The following AHNAK2 variants were observed in gnomAD, a reference collection of about 807,000 sequenced individuals.
The protein encoded by AHNAK2 is AHNAK nucleoprotein 2, also known as protein AHNAK2.
Under a neutral mutation model 30.7 loss-of-function variants are expected in AHNAK2, and 18 were observed. The observed-to-expected ratio is 0.59, with a 90% CI of 0.41 to 0.87. AHNAK2 has a LOEUF of 0.87. Ranked by LOEUF, AHNAK2 falls within the 40% of genes least tolerant of loss-of-function variation. The pLI, the probability that AHNAK2 is intolerant of heterozygous loss-of-function variation, is 0.00. For synonymous variants in AHNAK2, 3,590 were observed against 3,073.8 expected, an observed-to-expected ratio of 1.17 and a Z score of -5.56; for missense variants, 8,604 against 7,373.0, an observed-to-expected ratio of 1.17 and a Z score of -6.11.
At position 104,944,422 on chromosome 14, in the gene AHNAK2, T is replaced by C. The variant is rs755175788; in HGVS notation, c.11029A>G (p.Met3677Val). Residue 3677 changes from methionine (M) to valine (V), a missense_variant, in exon 7 of 7, where the codon ATG becomes GTG. Met to Val is a conservative substitution (Grantham distance 21). Coordinates refer to ENST00000333244, the MANE Select transcript of AHNAK2 (RefSeq NM_138420.4). Reference protein sequence around the residue: ...KVEADVSLPSMQGDLKTTDLS... With the variant: ...KVEADVSLPSVQGDLKTTDLS... Reference sequence around the variant, plus strand: ...TCAGTGGTCTTCAGGTCCCCCTGCATGGAGGGGAGACTCACATCGGCTTCC... The same window carrying C: ...TCAGTGGTCTTCAGGTCCCCCTGCACGGAGGGGAGACTCACATCGGCTTCC... 19 of 1,612,804 alleles carry C rather than the reference T, an allele frequency of 1.2e-5. No individual in the cohort carries two copies. Among genetic ancestry groups the C allele is most frequent in the Non-Finnish European group, 1.6e-5 (19 of 1,179,498 alleles).
chr14:104,953,760 C>T lies in AHNAK2; in HGVS notation c.1691G>A (p.Arg564Lys). The change falls in exon 7 of 7, where the codon AGG (arginine) becomes AAG (lysine). Residue 564 changes from arginine to lysine, a missense_variant. Transcript: ENST00000333244. ...GDGEEGLQRT[R>K]ITEEQDKGRE... ...GCCCTTGTCCTGTTCCTCAGTGATC[C>T]TTGTCCTCTGTAGTCCTTCCTCTCC... 6.2e-7 allele frequency: 1 copy of T among 1,613,932 alleles called. No individual in the cohort carries two copies. The highest frequency in any genetic ancestry group is 8.5e-7 in the Non-Finnish European group (1 of 1,179,878).
In AHNAK2 at chr14:104,947,386, C is replaced by T. The variant is rs200539761; in HGVS notation, c.8065G>A (p.Gly2689Arg). ...CTGATGTCAGTGGTCTTAAGGTCCCCTTGCATGGAGGGGAGGCTCATGTCG... is the reference window on the plus strand; with the variant it reads ...CTGATGTCAGTGGTCTTAAGGTCCCTTTGCATGGAGGGGAGGCTCATGTCG... Reference protein sequence around the residue: ...EADMSLPSMQGDLKTTDISIQ... With the variant: ...EADMSLPSMQRDLKTTDISIQ... The change falls in exon 7 of 7, where the codon GGG becomes AGG. Residue 2689 changes from glycine to arginine, a missense_variant. By Grantham distance (125) the Gly-to-Arg change is moderately radical. Coordinates refer to ENST00000333244, the MANE Select transcript of AHNAK2 (RefSeq NM_138420.4). 2.9e-5 allele frequency: 47 copies of T among 1,612,718 alleles called. No homozygotes were observed. The highest frequency in any genetic ancestry group is 3.6e-5 in the Non-Finnish European group (43 of 1,179,656).
rs1898185801 is a variant in AHNAK2, at chr14:104,945,063, T to G, written c.10388A>C (p.Glu3463Ala). The change falls in exon 7 of 7, where the codon GAA (glutamate) becomes GCA (alanine). Residue 3463 changes from glutamate (E) to alanine (A), a missense_variant. Transcript: ENST00000333244. ...ARLEGDLSLA[E>A]KDVTAKDSKF... ...GCTGTCTTTGGCAGTCACATCCTTT[T>G]CAGCCAGGGACAGGTCCCCCTCCAG... 1 of 1,612,968 alleles carries G rather than the reference T, an allele frequency of 6.2e-7. No homozygotes were observed. Among genetic ancestry groups the G allele is most frequent in the Admixed American group, 1.7e-5 (1 of 59,956 alleles).
chr14:104,946,049 C>A lies in AHNAK2; in HGVS notation c.9402G>T (p.Lys3134Asn). 1 of 1,605,418 alleles carries A rather than the reference C, an allele frequency of 6.2e-7. No individual in the cohort carries two copies. Among genetic ancestry groups the A allele is most frequent in the Non-Finnish European group, 8.5e-7 (1 of 1,176,084 alleles). The change falls in exon 7 of 7, where the codon AAG becomes AAT. Residue 3134 changes from lysine (K) to asparagine (N), a missense_variant. By Grantham distance (94) the Lys-to-Asn change is moderately conservative. Coordinates refer to ENST00000333244, the MANE Select transcript of AHNAK2 (RefSeq NM_138420.4). ...ACTTGCTGTCTTTGGCAGTCACATCCTTGTCGGCCAGGGACAGGTCCCCCT... is the reference window on the plus strand; with the variant it reads ...ACTTGCTGTCTTTGGCAGTCACATCATTGTCGGCCAGGGACAGGTCCCCCT... The part of the protein sequence containing the change: ...RLEGDLSLAD[K>N]DVTAKDSKFK...
Position 104,952,858 on chromosome 14 carries a change from C to T in AHNAK2, c.2593G>A (p.Ala865Thr), listed in dbSNP as rs761069447. The change falls in exon 7 of 7, where the codon GCC becomes ACC. Residue 865 changes from alanine to threonine, a missense_variant. Physicochemically the swap from Ala to Thr is moderately conservative, Grantham distance 58. Transcript: ENST00000333244. ...TGCATGGAGGAGAGGCTCACGTCGG[C>T]CTCCACCTTCGGCGCAGACACATCC... ...SVDVSAPKVE[A>T]DVSLSSMQGD... is the part of the protein sequence containing the mutation. 1 of 1,612,668 alleles carries T rather than the reference C, an allele frequency of 6.2e-7. No homozygotes were observed. The highest frequency in any genetic ancestry group is 8.5e-7 in the Non-Finnish European group (1 of 1,179,604).
In AHNAK2 at chr14:104,948,429, G is replaced by A. The variant is rs141081625; in HGVS notation, c.7022C>T (p.Ala2341Val). 5.7e-4 allele frequency: 923 copies of A among 1,605,836 alleles called. 37 individuals carry two copies. The African/African-American group carries it at 9.7e-3, about 17-fold the overall frequency. ...CTCCACCTTCAACGCAGACACATCC[G>A]CTGAGGCCTCGATGGACTTGCCAAG... ...SALGKSIEAS[A>V]DVSALKVEAD... Residue 2341 changes from alanine (A) to valine (V), a missense_variant, in exon 7 of 7, where the codon GCG becomes GTG. Transcript: ENST00000333244.
At position 104,947,000 on chromosome 14, in the gene AHNAK2, C is replaced by T. The variant is rs375761301; in HGVS notation, c.8451G>A (p.Lys2817=). ...TAKDSKFKMP[K]FKMPSFGVSA... ...ACACCCCGAATGACGGCATCTTGAA[C>T]TTGGGCATTTTGAACTTGCTGTCTT... Residue 2817 remains lysine (K), a synonymous_variant, in exon 7 of 7, where the codon AAG becomes AAA. Transcript: ENST00000333244. The T allele has an allele frequency of 4.4e-5, 71 of 1,612,348 alleles. No homozygotes were observed. The highest frequency in any genetic ancestry group is 5.4e-5 in the African/African-American group (4 of 74,296).
intron 3 of AHNAK2, 56 bp from the exon 4 acceptor site, chr14:104,956,745 G>T: frequency 1.3e-6 from 2 of 1,541,908 alleles, no homozygotes; most frequent in Non-Finnish European, 1.8e-6. Context: ...GACAGGGAGG[G>T]GCACAGGTAG....
At position 104,950,128 on chromosome 14, in the gene AHNAK2, C is replaced by A; in HGVS notation, c.5323G>T (p.Ala1775Ser). The change falls in exon 7 of 7, where the codon GCG (alanine) becomes TCG (serine). Residue 1775 changes from alanine (A) to serine (S), a missense_variant. Ala to Ser is a moderately conservative substitution (Grantham distance 99). Transcript: ENST00000333244. ...GPKLDLKGPK[A>S]EVMAPDVEVS... ...TCCACGTCGGGGGCCATCACCTCCG[C>A]CTTGGGGCCTTTCAGGTCCAGCTTG... The A allele has an allele frequency of 6.3e-7, 1 of 1,586,954 alleles. No homozygotes were observed. The highest frequency in any genetic ancestry group is 8.6e-7 in the Non-Finnish European group (1 of 1,163,070).
chr14:104,948,788 G>C lies in AHNAK2; in HGVS notation c.6663C>G (p.Leu2221=). The change falls in exon 7 of 7, where the codon CTC becomes CTG. Residue 2221 remains leucine, a synonymous_variant. Transcript: ENST00000333244. ...CTTCCTCGGGCACAGGGCCCTCCAG[G>C]AGTTTCACGTCCACCTGGCCAGCCT... ...KVQAGQVDVK[L]LEGPVPEEVG... is the part of the protein sequence containing the mutation. The C allele has an allele frequency of 6.2e-7, 1 of 1,612,438 alleles. No individual in the cohort carries two copies. The highest frequency in any genetic ancestry group is 8.5e-7 in the Non-Finnish European group (1 of 1,179,638).
At chr14:104,965,401 C>CAAAAAAAAAAAAAAAA (rs397853385) in intron 1 of AHNAK2, among the ~76,000 whole-genome samples, 3 of 85,510 alleles carry the variant, frequency 3.5e-5, no homozygotes, top group African/African-American at 9.2e-5. Context: ...AACTCTGTCT[C>CAAAAAAAAAAAAAAAA]AAAAAAAAAA....
At position 104,946,871 on chromosome 14, in the gene AHNAK2, G is replaced by A; in HGVS notation, c.8580C>T (p.Asp2860=). Residue 2860 remains aspartate (D), a synonymous_variant, in exon 7 of 7, where the codon GAC becomes GAT. Transcript: ENST00000333244. ...PSMQGDLKTT[D]IRIQPPSAQL... ...GGGCGGAGGGGGGCTGAATGCGGATGTCAGTGGTCTTAAGATCCCCTTGCA... is the reference window on the plus strand; with the variant it reads ...GGGCGGAGGGGGGCTGAATGCGGATATCAGTGGTCTTAAGATCCCCTTGCA... 2.5e-6 allele frequency: 4 copies of A among 1,612,712 alleles called. No homozygotes were observed. Among genetic ancestry groups the A allele is most frequent in the Non-Finnish European group, 3.4e-6 (4 of 1,179,736 alleles).
chr14:104,950,808 G>C lies in AHNAK2; in HGVS notation c.4643C>G (p.Ala1548Gly). Reference sequence around the variant, plus strand: ...TTGGCCAGCCTGGACCTCCAGGTCAGCAGAAGGGGGCTGTATGCTCAGGTC... The same window carrying C: ...TTGGCCAGCCTGGACCTCCAGGTCACCAGAAGGGGGCTGTATGCTCAGGTC... ...ATDLSIQPPS[A>G]DLEVQAGQVD... Residue 1548 changes from alanine to glycine, a missense_variant, in exon 7 of 7, where the codon GCT becomes GGT. Coordinates refer to ENST00000333244, the MANE Select transcript of AHNAK2 (RefSeq NM_138420.4). 6.3e-7 allele frequency: 1 copy of C among 1,586,662 alleles called. No individual in the cohort carries two copies. The highest frequency in any genetic ancestry group is 8.6e-7 in the Non-Finnish European group (1 of 1,162,152).
rs1290280067 is a variant in AHNAK2, at chr14:104,950,697, T to C, written c.4754A>G (p.Lys1585Arg). Residue 1585 changes from lysine to arginine, a missense_variant, in exon 7 of 7, where the codon AAG becomes AGG. Coordinates refer to ENST00000333244, the MANE Select transcript of AHNAK2 (RefSeq NM_138420.4). ...HLPKVQMPSF[K>R]MPKVDLKGPQ... ...CCCCTTGAGGTCCACTTTGGGCATC[T>C]TGAAACTGGGCATCTGCACTTTGGG... The C allele has an allele frequency of 6.3e-7, 1 of 1,587,786 alleles. No individual in the cohort carries two copies. Among genetic ancestry groups the C allele is most frequent in the East Asian group, 2.3e-5 (1 of 44,138 alleles).
rs200862024 is a variant in AHNAK2, at chr14:104,947,775, C to A, written c.7676G>T (p.Gly2559Val). 4.4e-5 allele frequency: 71 copies of A among 1,612,764 alleles called. 1 individual carries two copies. The African/African-American group carries it at 7.0e-4, about 16-fold the overall frequency. Reference sequence around the variant, plus strand: ...GGGCAGGTGCCCTTTGAGGCCGGCTCCCTCCGGCACAGGGCCCTCTGGGAG... The same window carrying A: ...GGGCAGGTGCCCTTTGAGGCCGGCTACCTCCGGCACAGGGCCCTCTGGGAG... ...VKLPEGPVPE[G>V]AGLKGHLPKV... The change falls in exon 7 of 7, where the codon GGA becomes GTA. Residue 2559 changes from glycine to valine, a missense_variant. Coordinates refer to ENST00000333244, the MANE Select transcript of AHNAK2 (RefSeq NM_138420.4).
rs776183242 is a variant in AHNAK2 at position 104,950,124 on chromosome 14, T to C, written c.5327A>G (p.Glu1776Gly). The C allele has an allele frequency of 6.9e-6, 11 of 1,586,382 alleles. No homozygotes were observed. The highest frequency in any genetic ancestry group is 3.3e-4 in the Middle Eastern group (2 of 6,026). ...PKLDLKGPKAEVMAPDVEVSL... is the reference protein window; with the variant it reads ...PKLDLKGPKAGVMAPDVEVSL... ...CACCTCCACGTCGGGGGCCATCACC[T>C]CCGCCTTGGGGCCTTTCAGGTCCAG... The change falls in exon 7 of 7, where the codon GAG (glutamate) becomes GGG (glycine). Residue 1776 changes from glutamate (E) to glycine (G), a missense_variant. Physicochemically the swap from Glu to Gly is moderately conservative, Grantham distance 98 (BLOSUM62 -2). Transcript: ENST00000333244.
rs371219824 is a variant in AHNAK2, at chr14:104,948,508, C to A, written c.6943G>T (p.Asp2315Tyr). Reference sequence around the variant, plus strand: ...AACTTGGGCATTTTGAACTTGCTGTCTTTGGCAGTCACGTCCTTGTCGGCC... The same window carrying A: ...AACTTGGGCATTTTGAACTTGCTGTATTTGGCAGTCACGTCCTTGTCGGCC... Reference protein sequence around the residue: ...SLADKDVTAKDSKFKMPKFKM... With the variant: ...SLADKDVTAKYSKFKMPKFKM... The change falls in exon 7 of 7, where the codon GAC becomes TAC. Residue 2315 changes from aspartate (D) to tyrosine (Y), a missense_variant. By Grantham distance (160) the Asp-to-Tyr change is radical (BLOSUM62 -3). Coordinates refer to ENST00000333244, the MANE Select transcript of AHNAK2 (RefSeq NM_138420.4). 1.9e-6 allele frequency: 3 copies of A among 1,610,822 alleles called. No homozygotes were observed. The African/African-American group carries it at 4.1e-5, about 22-fold the overall frequency.
Position 104,937,886 on chromosome 14 carries a change from T to G in AHNAK2, c.*177A>C. The G allele has an allele frequency of 4.7e-6, 3 of 633,728 alleles. No individual in the cohort carries two copies. Among genetic ancestry groups the G allele is most frequent in the East Asian group, 3.0e-5 (1 of 33,082 alleles). The allele number at this position is 633,728 out of a possible 1,614,324, so 39.3% of individuals were successfully genotyped here. A position where few individuals can be genotyped will look rare whatever the true frequency, so the allele number is the denominator to read the frequency against. The stretch of plus-strand genomic sequence containing the variant: ...AGGGAGCTGGGAAGCTTTGGTTCCA[T>G]TTTAGGAGGGCTGTGTGATGGTGAC... On this transcript the variant is annotated 3_prime_UTR_variant, in exon 7 of 7. Transcript: ENST00000333244.
chr14:104,948,101 C>G lies in AHNAK2; in HGVS notation c.7350G>C (p.Glu2450Asp). 1 of 1,612,864 alleles carries G rather than the reference C, an allele frequency of 6.2e-7. No individual in the cohort carries two copies. The highest frequency in any genetic ancestry group is 8.5e-7 in the Non-Finnish European group (1 of 1,179,710). Residue 2450 changes from glutamate (E) to aspartate (D), a missense_variant, in exon 7 of 7, where the codon GAG becomes GAC. Coordinates refer to ENST00000333244, the MANE Select transcript of AHNAK2 (RefSeq NM_138420.4). ...PDVEVSQPSV[E>D]VDVEAPGAKL... Reference sequence around the variant, plus strand: ...TGGCTCCCGGGGCCTCGACATCCACCTCCACGCTGGGCTGAGACACCTCCA... The same window carrying G: ...TGGCTCCCGGGGCCTCGACATCCACGTCCACGCTGGGCTGAGACACCTCCA...
Sources: allele counts gnomAD v4.1 joint callset (sites outside exome capture counted in the v4.1 genomes callset), GRCh38; gene constraint gnomAD v4.1.1; transcripts MANE v1.5; gene names NCBI Gene and HGNC (gene_info 2026-07-23, HGNC 2026-07-21).